Variants in CCDC149 observed in about 807,000 individuals in gnomAD.
The protein encoded by CCDC149 is coiled-coil domain-containing protein 149.
Under a neutral mutation model 59.9 loss-of-function variants are expected in CCDC149, and 45 were observed. The observed-to-expected ratio is 0.75, with a 90% confidence interval of 0.59 to 0.96. CCDC149 has a LOEUF of 0.96. Among genes scored for constraint, CCDC149 ranks in the 40% least tolerant of loss-of-function variants. CCDC149 has a pLI of 0.00. For missense variants in CCDC149, 584 were observed against 664.7 expected, an observed-to-expected ratio of 0.88 and a Z score of 1.33; for synonymous variants, 245 against 260.6, an observed-to-expected ratio of 0.94 and a Z score of 0.58.
At chr4:24,908,869 ATC>A (rs1721704807) in intron 1 of CCDC149, among the ~76,000 whole-genome samples, 1 of 152,246 alleles carries the variant, frequency 6.6e-6, no homozygotes. Flanking sequence ...TGTATAGTTT[ATC>A]ATAGAGTGGT....
At chr4:24,875,146 A>C (rs1719331595) in intron 2 of CCDC149, among the ~76,000 whole-genome samples, 1 of 151,974 alleles carries the variant, frequency 6.6e-6, no homozygotes. Flanking sequence ...ATCTCTACTA[A>C]GGTGAAACCC....
At chr4:24,854,455 T>C (rs541316053) in intron 3 of CCDC149, among the ~76,000 whole-genome samples, 4 of 152,060 alleles carry the variant, frequency 2.6e-5, no homozygotes, top group Non-Finnish European at 5.9e-5. Context: ...AAGTAAGCAA[T>C]CCAAACAGGC....
rs1190894354 is a variant in CCDC149 at position 24,824,895 on chromosome 4, T to C, written c.966-2322A>G. ...AAAACTGTTCATGTTGAAACATGGATGTGCCCGCAGTTGCTTTGCAAAATA... is the reference window on the plus strand; with the variant it reads ...AAAACTGTTCATGTTGAAACATGGACGTGCCCGCAGTTGCTTTGCAAAATA... On this transcript the variant is annotated intron_variant, in intron 9 of 12. Coordinates refer to ENST00000635206, the MANE Select transcript of CCDC149 (RefSeq NM_001330643.2). 4.6e-5 allele frequency among the ~76,000 whole-genome samples: 7 copies of C among 152,238 alleles called. No homozygotes were observed. The East Asian group carries it at 1.2e-3, about 25-fold the overall frequency.
chr4:24,874,980 G>A (rs1719318089), intron 2 of CCDC149, among the ~76,000 whole-genome samples: 2 of 152,158 alleles, frequency 1.3e-5, no homozygotes, highest in Admixed American at 1.3e-4. Flanking sequence ...TTATGGATAT[G>A]TCCACACCGT....
intron 1 of CCDC149, among the ~76,000 whole-genome samples, chr4:24,889,547 G>T (rs1233918964): frequency 6.6e-6 from 1 of 152,182 alleles, no homozygotes; most frequent in East Asian, 1.9e-4. Context: ...TTGCCATCCA[G>T]GTTGCCAGGG....
At chr4:24,938,553 CA>C (rs1722849414) in intron 1 of CCDC149, among the ~76,000 whole-genome samples, 1 of 152,112 alleles carries the variant, frequency 6.6e-6, no homozygotes, top group Non-Finnish European at 1.5e-5. Context: ...GGGTGCAGGA[CA>C]GGGGGTGCAG....
At position 24,836,507 on chromosome 4, in the gene CCDC149, A is replaced by T. The variant is rs905550887; in HGVS notation, c.664T>A (p.Tyr222Asn). The T allele has an allele frequency of 1.2e-6, 2 of 1,602,270 alleles. No homozygotes were observed. Among genetic ancestry groups the T allele is most frequent in the Non-Finnish European group, 1.7e-6 (2 of 1,169,956 alleles). ...AGTTGCTTTAATCTCTCTTGAAGGT[A>T]CCTGAAAAAGAATACATAAAACTAG... The change falls in exon 7 of 13, where the codon TAC becomes AAC. Residue 222 changes from tyrosine (Y) to asparagine (N), a missense_variant and splice_region_variant. Transcript: ENST00000635206.
chr4:24,962,226 G>A (rs923665846), intron 1 of CCDC149, among the ~76,000 whole-genome samples: 4 of 152,096 alleles, frequency 2.6e-5, no homozygotes, highest in Admixed American at 2.6e-4. Flanking sequence ...ATCATCACTG[G>A]CCATCAGAGA....
chr4:24,922,117 C>T (rs893444558), intron 1 of CCDC149, among the ~76,000 whole-genome samples: 1 of 152,140 alleles, frequency 6.6e-6, no homozygotes, highest in African/African-American at 2.4e-5. Context: ...TATAAGGACA[C>T]CTGTCATATT....
At chr4:24,930,928 A>G (rs1412943263) in intron 1 of CCDC149, among the ~76,000 whole-genome samples, 1 of 152,158 alleles carries the variant, frequency 6.6e-6, no homozygotes, top group Non-Finnish European at 1.5e-5. Flanking sequence ...CATACCTAAA[A>G]TTATAGAAGG....
intron 1 of CCDC149, among the ~76,000 whole-genome samples, chr4:24,968,801 G>A (rs1723878806): frequency 6.6e-6 from 1 of 152,244 alleles, no homozygotes; most frequent in South Asian, 2.1e-4. Context: ...GTTGTCTATT[G>A]GGGCTTAACC....
chr4:24,853,338 C>G (rs141507026), intron 3 of CCDC149, 159 bp from the exon 4 acceptor site: 21 of 630,784 alleles, frequency 3.3e-5, no homozygotes. Flanking sequence ...GTGTGAATCA[C>G]ACCACTACAA....
chr4:24,924,526 T>C (rs1452462230), intron 1 of CCDC149, among the ~76,000 whole-genome samples: 3 of 152,162 alleles, frequency 2.0e-5, no homozygotes, highest in African/African-American at 7.2e-5. Flanking sequence ...ATCTGAAGGC[T>C]CATTCTTTTG....
chr4:24,840,517 G>A (rs1054215530), intron 4 of CCDC149, among the ~76,000 whole-genome samples: 1 of 152,104 alleles, frequency 6.6e-6, no homozygotes, highest in East Asian at 1.9e-4. Context: ...ACGTTCCCAC[G>A]GAGGTCAAAC....
At chr4:24,865,132 A>G (rs1718620764) in intron 3 of CCDC149, among the ~76,000 whole-genome samples, 1 of 152,228 alleles carries the variant, frequency 6.6e-6, no homozygotes, top group Non-Finnish European at 1.5e-5. Context: ...GAAGAAAACA[A>G]GAGAGAGACA....
chr4:24,904,012 C>T (rs1721328970), intron 1 of CCDC149, among the ~76,000 whole-genome samples: 1 of 152,092 alleles, frequency 6.6e-6, no homozygotes, highest in African/African-American at 2.4e-5. Flanking sequence ...GTTGGCCAGG[C>T]TGGTCTCGAA....
chr4:24,851,429 C>T (rs1282135970), intron 4 of CCDC149, among the ~76,000 whole-genome samples: 1 of 152,176 alleles, frequency 6.6e-6, no homozygotes, highest in Non-Finnish European at 1.5e-5. Flanking sequence ...CGCCTGGCTG[C>T]TCTCTCTTTG....
At chr4:24,973,624 G>C (rs1349253448) in intron 1 of CCDC149, among the ~76,000 whole-genome samples, 1 of 152,206 alleles carries the variant, frequency 6.6e-6, no homozygotes, top group Non-Finnish European at 1.5e-5. Context: ...AACTGAAAAA[G>C]GCCAGAGTTA....
At chr4:24,827,841 C>T (rs924057305) in intron 9 of CCDC149, 13 of 152,202 alleles carry the variant, frequency 8.5e-5, no homozygotes, top group African/African-American at 3.1e-4. Flanking sequence ...ACCTTTACTG[C>T]TATGTATAAC....
Sources: gnomAD v4.1 joint callset for allele counts (sites outside exome capture counted in the v4.1 genomes callset) on GRCh38, gnomAD v4.1.1 for gene constraint, MANE v1.5 for transcripts, NCBI Gene and HGNC (gene_info 2026-07-23, HGNC 2026-07-21) for gene names.